Variants in LRP1B observed in about 807,000 individuals in gnomAD.
LRP1B encodes the protein low-density lipoprotein receptor-related protein 1B.
In LRP1B, 217 loss-of-function variants were observed where a neutral mutation model predicts 556.6. The ratio of observed to expected loss-of-function variants is 0.39; its 90% confidence interval spans 0.35 to 0.44. The LOEUF (loss-of-function observed/expected upper bound fraction) is 0.44, where lower values mean the gene tolerates loss of function less well. Among genes scored for constraint, LRP1B ranks in the 20% least tolerant of loss-of-function variants. The pLI is 1.00. For missense variants in LRP1B, 5,053 were observed against 5,620.8 expected (o/e 0.90, Z 3.23); for synonymous variants, 2,047 against 1,865.8 (o/e 1.10, Z -2.50).
At chr2:140,992,334 A>T (rs1270349715) in intron 16 of LRP1B, among the ~76,000 whole-genome samples, 2 of 152,138 alleles carry the variant, frequency 1.3e-5, no homozygotes, top group Non-Finnish European at 2.9e-5. Flanking sequence ...CATTCTAATT[A>T]GCAGTACAAA....
chr2:140,831,540 T>C (rs1691716400), intron 31 of LRP1B, among the ~76,000 whole-genome samples: 1 of 152,152 alleles, frequency 6.6e-6, no homozygotes, highest in Non-Finnish European at 1.5e-5. Context: ...AATCAAAGCT[T>C]GAATCTAAGA....
chr2:140,804,109 A>G (rs981394254), intron 32 of LRP1B, among the ~76,000 whole-genome samples: 2 of 152,022 alleles, frequency 1.3e-5, no homozygotes, highest in African/African-American at 4.8e-5. Flanking sequence ...TGTAAAGCGG[A>G]CTTGCATTGT....
chr2:141,079,401 G>A (rs2104879284), intron 7 of LRP1B, among the ~76,000 whole-genome samples: 1 of 152,298 alleles, frequency 6.6e-6, no homozygotes, highest in South Asian at 2.1e-4. Flanking sequence ...ACTGTGAAAG[G>A]TTAATTGATG....
intron 1 of LRP1B, among the ~76,000 whole-genome samples, chr2:142,114,638 C>T (rs1257363557): frequency 6.6e-6 from 1 of 151,894 alleles, no homozygotes; most frequent in African/African-American, 2.4e-5. Context: ...AACTGGGGGG[C>T]ATTAAACAAA....
chr2:140,644,401 CTTTTTTT>C (rs34828807), intron 41 of LRP1B, among the ~76,000 whole-genome samples: 7 of 132,862 alleles, frequency 5.3e-5, no homozygotes, highest in East Asian at 2.2e-4. Flanking sequence ...TTTCTTTTTT[CTTTTTTT>C]TTTTTTTTTG....
chr2:141,497,803 T>C (rs1023150546), intron 2 of LRP1B, among the ~76,000 whole-genome samples: 2 of 152,002 alleles, frequency 1.3e-5, no homozygotes, highest in Non-Finnish European at 2.9e-5. Flanking sequence ...AAATGGGCAA[T>C]GAAAAATTAC....
intron 33 of LRP1B, among the ~76,000 whole-genome samples, chr2:140,774,845 T>A (rs1203098464): frequency 6.6e-6 from 1 of 152,162 alleles, no homozygotes; most frequent in Admixed American, 6.5e-5. Flanking sequence ...TGTTTATTAT[T>A]GTGGACATGA....
At chr2:140,587,143 T>C (rs1682018517) in intron 43 of LRP1B, among the ~76,000 whole-genome samples, 1 of 151,762 alleles carries the variant, frequency 6.6e-6, no homozygotes, top group African/African-American at 2.4e-5. Flanking sequence ...AGTAGAATAA[T>C]AGAAAATAGC....
chr2:141,784,401 A>C lies in LRP1B; in HGVS notation c.205+25878T>G, dbSNP rs557991027. 2.0e-5 allele frequency among the ~76,000 whole-genome samples: 3 copies of C among 152,154 alleles called. No homozygotes were observed. In the South Asian group the frequency reaches 6.2e-4, roughly 32 times the overall value. On this transcript the variant is annotated intron_variant, in intron 2 of 90. Coordinates refer to ENST00000389484, the MANE Select transcript of LRP1B (RefSeq NM_018557.3). ...ACACTGTGGAATAGATATTTTACTG[A>C]AAATTTGTGTGAACATATAGGTCTC...
Position 141,159,750 on chromosome 2 carries a change from T to C in LRP1B, c.1013+28671A>G, listed in dbSNP as rs534889087. ...GGAAATCAAGAAGGCAAAAGATGTATTGTTCAACATTTTAGCATTTTGCTA... is the reference window on the plus strand; with the variant it reads ...GGAAATCAAGAAGGCAAAAGATGTACTGTTCAACATTTTAGCATTTTGCTA... On this transcript the variant is annotated intron_variant, in intron 7 of 90. Coordinates refer to ENST00000389484, the MANE Select transcript of LRP1B (RefSeq NM_018557.3). Among the ~76,000 whole-genome samples, 213 of 152,302 alleles carry C rather than the reference T, an allele frequency of 1.4e-3. 1 individual carries two copies. The highest frequency in any genetic ancestry group is 2.3e-3 in the Non-Finnish European group (159 of 68,032).
intron 1 of LRP1B, among the ~76,000 whole-genome samples, chr2:141,882,769 A>G (rs1305577363): frequency 6.6e-6 from 1 of 152,188 alleles, no homozygotes; most frequent in African/African-American, 2.4e-5. Flanking sequence ...GTGCAGTTGC[A>G]CAATCACAGC....
At chr2:140,500,260 G>A (rs1474160024) in intron 55 of LRP1B, among the ~76,000 whole-genome samples, 1 of 151,842 alleles carries the variant, frequency 6.6e-6, no homozygotes, top group Non-Finnish European at 1.5e-5. Flanking sequence ...ATTTATTATT[G>A]TGGTTCTTAG....
At chr2:142,058,926 C>A (rs188901086) in intron 1 of LRP1B, among the ~76,000 whole-genome samples, 1 of 152,142 alleles carries the variant, frequency 6.6e-6, no homozygotes, top group East Asian at 1.9e-4. Flanking sequence ...TCTTTTTCTA[C>A]CACAAGTTCC....
At chr2:141,078,127 A>G (rs1318213460) in intron 7 of LRP1B, among the ~76,000 whole-genome samples, 1 of 152,168 alleles carries the variant, frequency 6.6e-6, no homozygotes, top group Non-Finnish European at 1.5e-5. Flanking sequence ...AACACCTACC[A>G]TCACTACAAG....
At chr2:141,330,405 A>G (rs1687595965) in intron 3 of LRP1B, among the ~76,000 whole-genome samples, 1 of 151,422 alleles carries the variant, frequency 6.6e-6, no homozygotes, top group Non-Finnish European at 1.5e-5. Context: ...TGTGTTTCAC[A>G]TGAAAAACTG....
intron 41 of LRP1B, among the ~76,000 whole-genome samples, chr2:140,656,640 A>AT (rs1276874053): frequency 2.6e-5 from 4 of 151,928 alleles, no homozygotes; most frequent in Admixed American, 1.3e-4. Flanking sequence ...ACTACTTCTG[A>AT]TTTTTCTGCT....
At chr2:141,893,913 C>CTCTTTTT (rs913332960) in intron 1 of LRP1B, among the ~76,000 whole-genome samples, 2 of 152,100 alleles carry the variant, frequency 1.3e-5, no homozygotes, top group Admixed American at 1.3e-4. Flanking sequence ...TCGTTTCTTC[C>CTCTTTTT]TCTTTTTTCT....
intron 7 of LRP1B, among the ~76,000 whole-genome samples, chr2:141,140,294 C>T (rs1196166862): frequency 1.3e-5 from 2 of 151,996 alleles, no homozygotes; most frequent in African/African-American, 4.8e-5. Context: ...CGTCTTTCAA[C>T]CGTGTCGCTT....
chr2:141,498,632 C>A (rs1683604819), intron 2 of LRP1B, among the ~76,000 whole-genome samples: 1 of 151,972 alleles, frequency 6.6e-6, no homozygotes, highest in Admixed American at 6.6e-5. Context: ...GTATCTAAAT[C>A]ATCCCCACTC....
Sources: gnomAD v4.1 joint callset for allele counts (sites outside exome capture counted in the v4.1 genomes callset) on GRCh38, gnomAD v4.1.1 for gene constraint, MANE v1.5 for transcripts, NCBI Gene and HGNC (gene_info 2026-07-23, HGNC 2026-07-21) for gene names.